The following WHRN variants were observed in gnomAD, a reference collection of about 807,000 sequenced individuals.
WHRN encodes the protein whirlin, also known as CASK-interacting protein CIP98.
WHRN carries 41 observed loss-of-function variants against 68.3 expected under a neutral mutation model. The ratio of observed to expected loss-of-function variants is 0.60; its 90% CI spans 0.47 to 0.78. WHRN has a LOEUF of 0.78. Among genes scored for constraint, WHRN ranks in the 30% least tolerant of loss-of-function variants. The probability of loss-of-function intolerance (pLI) is 0.00; values close to 1 mark genes in which losing one functional copy is unlikely to be tolerated. For synonymous variants in WHRN, 560 were observed against 561.3 expected (o/e 1.00, Z 0.03); for missense variants, 1,243 against 1,244.7 (o/e 1.00, Z 0.02).
chr9:114,450,148 G>A (rs1839195754), intron 3 of WHRN, among the ~76,000 whole-genome samples: 1 of 152,112 alleles, frequency 6.6e-6, no homozygotes, highest in African/African-American at 2.4e-5. Context: ...AGGGGCTGGT[G>A]GGGAGGCAAA....
At chr9:114,467,157 G>C (rs1308430184) in intron 2 of WHRN, among the ~76,000 whole-genome samples, 1 of 151,348 alleles carries the variant, frequency 6.6e-6, no homozygotes, top group Non-Finnish European at 1.5e-5. Context: ...CCTATCACCT[G>C]GGGGGGTCTA....
chr9:114,406,245 A>T (rs1347770456), intron 9 of WHRN, 110 bp downstream of exon 9: 20 of 1,487,294 alleles, frequency 1.3e-5, no homozygotes. Flanking sequence ...TCTGGCCCTG[A>T]GCCCCCTCAA....
At chr9:114,431,833 G>T (rs948896845) in intron 3 of WHRN, among the ~76,000 whole-genome samples, 2 of 152,174 alleles carry the variant, frequency 1.3e-5, no homozygotes, top group African/African-American at 4.8e-5. Flanking sequence ...AGAATCCAAG[G>T]CTCAGAAAGG....
At chr9:114,489,998 G>A (rs1842851441) in intron 1 of WHRN, among the ~76,000 whole-genome samples, 1 of 152,204 alleles carries the variant, frequency 6.6e-6, no homozygotes, top group African/African-American at 2.4e-5. Context: ...CAATGGTGTG[G>A]TAAGAATTCT....
Position 114,424,374 on chromosome 9 carries a change from A to C in WHRN, c.1376T>G (p.Leu459Arg). ...GAGCAGCTTGAACAGGGCCATGACG[A>C]GGGCCTCCACAGAGACGCTGCCACC... ...YRGGSVSVEALVMALFKLLNT... is the reference protein window; with the variant it reads ...YRGGSVSVEARVMALFKLLNT... Residue 459 changes from leucine to arginine, a missense_variant, in exon 6 of 12, where the codon CTC becomes CGC. Leu to Arg is a moderately radical substitution (Grantham distance 102, BLOSUM62 -2). Coordinates refer to ENST00000362057, the MANE Select transcript of WHRN (RefSeq NM_015404.4). The C allele has an allele frequency of 6.2e-7, 1 of 1,612,406 alleles. No individual in the cohort carries two copies. The highest frequency in any genetic ancestry group is 8.5e-7 in the Non-Finnish European group (1 of 1,179,994).
intron 7 of WHRN, among the ~76,000 whole-genome samples, chr9:114,418,296 G>C (rs998087430): frequency 2.0e-5 from 3 of 152,128 alleles, no homozygotes; most frequent in Non-Finnish European, 4.4e-5. Context: ...TGTGGGGGTG[G>C]GGAGAAGAGG....
At chr9:114,413,277 A>C (rs912194511) in intron 7 of WHRN, among the ~76,000 whole-genome samples, 69 of 152,254 alleles carry the variant, frequency 4.5e-4, no homozygotes, top group Non-Finnish European at 8.2e-4. Flanking sequence ...GCACAGGCGG[A>C]GAGCAATGTA....
intron 1 of WHRN, among the ~76,000 whole-genome samples, chr9:114,502,703 C>T (rs1844034199): frequency 6.6e-6 from 1 of 152,188 alleles, no homozygotes; most frequent in African/African-American, 2.4e-5. Flanking sequence ...ACCTTATCAC[C>T]TTGTGACCGT....
intron 5 of WHRN, 85 bp from the exon 6 acceptor site, chr9:114,424,631 CCTGT>C (rs1836647167): frequency 6.4e-6 from 9 of 1,413,918 alleles, no homozygotes; most frequent in South Asian, 2.5e-5. Flanking sequence ...GCCCTTCCAT[CCTGT>C]CTAAGTGTGG....
chr9:114,498,981 A>G (rs1007372475), intron 1 of WHRN, among the ~76,000 whole-genome samples: 1 of 152,216 alleles, frequency 6.6e-6, no homozygotes, highest in Non-Finnish European at 1.5e-5. Flanking sequence ...GTGCAATGTA[A>G]ATTACATACT....
chr9:114,457,541 T>C (rs1839905891), intron 3 of WHRN, among the ~76,000 whole-genome samples: 3 of 151,984 alleles, frequency 2.0e-5, no homozygotes, highest in Admixed American at 2.0e-4. Context: ...AGAAGGAACA[T>C]GGGAATAGAA....
intron 3 of WHRN, among the ~76,000 whole-genome samples, chr9:114,443,349 G>T (rs1253851451): frequency 2.6e-5 from 4 of 152,208 alleles, no homozygotes; most frequent in Admixed American, 6.5e-5. Context: ...GATGTCAGCA[G>T]GACAGAGTTC....
Position 114,417,499 on chromosome 9 carries a change from T to C in WHRN, c.1626+5815A>G, listed in dbSNP as rs2224897. Among the ~76,000 whole-genome samples, 867 of 152,368 alleles carry C rather than the reference T, an allele frequency of 5.7e-3. 12 individuals carry two copies. The highest frequency in any genetic ancestry group is 0.02 in the African/African-American group (840 of 41,590). ...CTTCCAGTTTCTGTTCCACACTTTC[T>C]GGGCCTCCATTTTGCACCAGCTCTC... On this transcript the variant is annotated intron_variant, in intron 7 of 11. Transcript: ENST00000362057.
intron 1 of WHRN, among the ~76,000 whole-genome samples, chr9:114,493,181 C>T (rs546131140): frequency 5.9e-5 from 9 of 151,806 alleles, no homozygotes; most frequent in Middle Eastern, 6.8e-3. Flanking sequence ...GAGACCTCAT[C>T]TCTACCAAAA....
intron 7 of WHRN, among the ~76,000 whole-genome samples, chr9:114,414,067 G>C (rs918556583): frequency 5.3e-5 from 8 of 152,190 alleles, no homozygotes; most frequent in Non-Finnish European, 1.0e-4. Flanking sequence ...ACTTGGCTGG[G>C]GGAACTGTTA....
At chr9:114,482,460 G>A (rs1842164987) in intron 1 of WHRN, among the ~76,000 whole-genome samples, 1 of 152,294 alleles carries the variant, frequency 6.6e-6, no homozygotes, top group African/African-American at 2.4e-5. Flanking sequence ...CAGTCCTTGG[G>A]CCGGTTGCTT....
chr9:114,446,370 G>T (rs1410211836), intron 3 of WHRN, among the ~76,000 whole-genome samples: 3 of 152,082 alleles, frequency 2.0e-5, no homozygotes, highest in Non-Finnish European at 2.9e-5. Flanking sequence ...TGATGACTTC[G>T]TGGGTACAGA....
intron 9 of WHRN, among the ~76,000 whole-genome samples, chr9:114,405,390 T>G (rs1455780782): frequency 6.6e-6 from 1 of 152,226 alleles, no homozygotes; most frequent in Non-Finnish European, 1.5e-5. Flanking sequence ...ATTACTACTT[T>G]GTATGTCTCA....
intron 3 of WHRN, among the ~76,000 whole-genome samples, chr9:114,433,324 C>T (rs1837575030): frequency 6.6e-6 from 1 of 152,178 alleles, no homozygotes; most frequent in African/African-American, 2.4e-5. Context: ...CAACCTGATC[C>T]CGAGGCTGAG....
Sources: allele counts gnomAD v4.1 joint callset (sites outside exome capture counted in the v4.1 genomes callset), GRCh38; gene constraint gnomAD v4.1.1; transcripts MANE v1.5; gene names NCBI Gene and HGNC (gene_info 2026-07-23, HGNC 2026-07-21).